RUNX3: variants seen among roughly 807,000 people sequenced by gnomAD.
The protein encoded by RUNX3 is RUNX family transcription factor 3.
In RUNX3, 10 loss-of-function variants were observed where a neutral mutation model predicts 27.7. The observed-to-expected ratio is 0.36, with a 90% CI of 0.22 to 0.61. RUNX3 has a LOEUF of 0.61. Ranked by LOEUF, RUNX3 falls within the 20% of genes least tolerant of loss-of-function variation. RUNX3 has a pLI of 0.72. For missense variants in RUNX3, 469 were observed against 629.5 expected (o/e 0.75, Z 2.73); for synonymous variants, 270 against 269.2 (o/e 1.00, Z -0.03).
chr1:24,914,421 T>C lies in RUNX3; in HGVS notation c.544+4819A>G, dbSNP rs377194178. Among the ~76,000 whole-genome samples, 6 of 152,312 alleles carry C rather than the reference T, an allele frequency of 3.9e-5. No individual in the cohort carries two copies. In the East Asian group the frequency reaches 7.7e-4, roughly 20 times the overall value. ...GCCTGTCAGGAGATTTACACCCGAC[T>C]CTTAACAGCCTCGCGGAATCGCAGG... On this transcript the variant is annotated intron_variant, in intron 3 of 4. Coordinates refer to ENST00000308873, the MANE Select transcript of RUNX3 (RefSeq NM_004350.3).
intron 3 of RUNX3, among the ~76,000 whole-genome samples, chr1:24,918,714 G>A (rs983488472): frequency 2.0e-5 from 3 of 152,142 alleles, no homozygotes; most frequent in East Asian, 1.9e-4. Context: ...TCGCTTTGAT[G>A]GACCAGAACT....
At chr1:24,950,841 C>T (rs922000577) in intron 2 of RUNX3, among the ~76,000 whole-genome samples, 2 of 152,096 alleles carry the variant, frequency 1.3e-5, no homozygotes, top group African/African-American at 4.8e-5. Context: ...TGGAAGGGCC[C>T]CAGGAGAGCT....
chr1:24,919,237 T>C lies in RUNX3; in HGVS notation c.544+3A>G. The C allele has an allele frequency of 6.3e-7, 1 of 1,586,380 alleles. No homozygotes were observed. On this transcript the variant is annotated splice_donor_region_variant and intron_variant, in intron 3 of 4. Transcript: ENST00000308873. ...GGGGCTCAGGGGGCTCGGTGGCACT[T>C]ACGTCTGGGCTCCCGGGGTCCGTCC... is the stretch of plus-strand genomic sequence containing the variant.
At position 24,916,791 on chromosome 1, in the gene RUNX3, C is replaced by T. The variant is rs145681402; in HGVS notation, c.544+2449G>A. Among the ~76,000 whole-genome samples the T allele has an allele frequency of 5.7e-4, 87 of 152,250 alleles. 1 individual carries two copies. In the East Asian group the frequency reaches 6.8e-3, roughly 12 times the overall value. On this transcript the variant is annotated intron_variant, in intron 3 of 4. Coordinates refer to ENST00000308873, the MANE Select transcript of RUNX3 (RefSeq NM_004350.3). This position sits in a 1 kb window ranked among gnomAD's most constrained non-coding sequence, Gnocchi z 4.8. Reference sequence around the variant, plus strand: ...CTGTAAATAAAACCACTGATCCAGCCGCTGCCGGGGCCCAGAGAGGGAGGT... The same window carrying T: ...CTGTAAATAAAACCACTGATCCAGCTGCTGCCGGGGCCCAGAGAGGGAGGT...
At chr1:24,910,920 C>T (rs1169317830) in intron 3 of RUNX3, among the ~76,000 whole-genome samples, 4 of 152,256 alleles carry the variant, frequency 2.6e-5, no homozygotes, top group Middle Eastern at 3.4e-3. Context: ...GTCACGTGAA[C>T]GAGGCAAGTG....
At position 24,929,611 on chromosome 1, in the gene RUNX3, G is replaced by A. The variant is rs1641173634; in HGVS notation, c.258C>T (p.Asn86=). ...CCTTGAAGGCGACGGGCAGCGTCTT[G>A]TTGCAGCGCCAGTGCGAGGGCAGCA... ...CSVLPSHWRC[N]KTLPVAFKVV... The change falls in exon 1 of 5, where the codon AAC becomes AAT. Residue 86 remains asparagine, a synonymous_variant. Transcript: ENST00000308873. The A allele has an allele frequency of 6.2e-7, 1 of 1,608,348 alleles. No homozygotes were observed. The highest frequency in any genetic ancestry group is 1.3e-5 in the African/African-American group (1 of 74,810).
At chr1:24,925,891 C>T (rs1641089933) in intron 2 of RUNX3, among the ~76,000 whole-genome samples, 1 of 152,174 alleles carries the variant, frequency 6.6e-6, no homozygotes. Flanking sequence ...ATTTCCCTCC[C>T]TGCAGGCCTG....
At chr1:24,922,169 C>T (rs1641012316) in intron 2 of RUNX3, among the ~76,000 whole-genome samples, 1 of 149,742 alleles carries the variant, frequency 6.7e-6, no homozygotes, top group South Asian at 2.1e-4. Context: ...CCTTCCTTTC[C>T]TTTCTTTTCT....
intron 2 of RUNX3, among the ~76,000 whole-genome samples, chr1:24,960,605 T>C (rs1355682828): frequency 1.3e-5 from 2 of 152,154 alleles, no homozygotes; most frequent in African/African-American, 2.4e-5. Flanking sequence ...CCACTGCCAG[T>C]GTCCCTGGTG....
Position 24,914,841 on chromosome 1 carries a change from C to T in RUNX3, c.544+4399G>A, listed in dbSNP as rs555669928. 5.9e-5 allele frequency among the ~76,000 whole-genome samples: 9 copies of T among 152,204 alleles called. No individual in the cohort carries two copies. In the South Asian group the frequency reaches 1.0e-3, roughly 18 times the overall value. On this transcript the variant is annotated intron_variant, in intron 3 of 4. Transcript: ENST00000308873. ...ACTTCTCCTGCCCACGCCAAACCCT[C>T]GGCAGCCACACTCTGCTGGCTGCTC...
intron 2 of RUNX3, among the ~76,000 whole-genome samples, chr1:24,946,579 C>G (rs981718580): frequency 2.6e-5 from 4 of 152,184 alleles, no homozygotes; most frequent in East Asian, 1.9e-4. Flanking sequence ...CCATTCCCCC[C>G]CTACTCATGG....
chr1:24,962,596 C>A lies in RUNX3; in HGVS notation c.58+1918G>T, dbSNP rs1642144727. Reference sequence around the variant, plus strand: ...AGAAGGCTGAAGAGGGGAGACAGGTCTCCACAAAAGTGGAGGGAAGGCCCT... The same window carrying A: ...AGAAGGCTGAAGAGGGGAGACAGGTATCCACAAAAGTGGAGGGAAGGCCCT... On this transcript the variant is annotated intron_variant, in intron 2 of 6. Transcript: ENST00000338888. The surrounding 1 kb of genome is among the most constrained non-coding windows in gnomAD (Gnocchi z 4.5). Among the ~76,000 whole-genome samples, 1 of 152,218 alleles carries A rather than the reference C, an allele frequency of 6.6e-6. No individual in the cohort carries two copies. Among genetic ancestry groups the A allele is most frequent in the Non-Finnish European group, 1.5e-5 (1 of 68,026 alleles).
intron 3 of RUNX3, 84 bp downstream of exon 3, chr1:24,919,156 C>T (rs1279278307): frequency 5.0e-6 from 4 of 795,538 alleles, no homozygotes; most frequent in Non-Finnish European, 8.0e-6. Context: ...GAGGAGGGCT[C>T]CATCTGTCTG....
chr1:24,955,700 C>T (rs937075423), intron 2 of RUNX3, among the ~76,000 whole-genome samples: 1 of 152,194 alleles, frequency 6.6e-6, no homozygotes, highest in Non-Finnish European at 1.5e-5. Context: ...CAAGGACTGC[C>T]TCCTCTCTGA....
Position 24,946,260 on chromosome 1 carries a change from T to C in RUNX3, c.59-16408A>G, listed in dbSNP as rs534263381. 3.9e-5 allele frequency among the ~76,000 whole-genome samples: 6 copies of C among 152,344 alleles called. No individual in the cohort carries two copies. In the South Asian group the frequency reaches 1.2e-3, roughly 32 times the overall value. ...GAAAAATTGGAAAATAATAAAATTA[T>C]GAAGAAGAAAATTAAAACCATCCAT... On this transcript the variant is annotated intron_variant, in intron 2 of 6. Transcript: ENST00000338888.
chr1:24,942,177 G>C lies in RUNX3; in HGVS notation c.59-12325C>G, dbSNP rs544014721. On this transcript the variant is annotated intron_variant, in intron 2 of 6. Coordinates refer to the RUNX3 transcript ENST00000338888. The stretch of plus-strand genomic sequence containing the variant: ...TTAGCAGCTCTGAGCTTAGATGAGG[G>C]GGGGAGATGAGATGGAAAGGAAAAG... Among the ~76,000 whole-genome samples the C allele has an allele frequency of 1.7e-4, 26 of 152,286 alleles. No homozygotes were observed. In the East Asian group the frequency reaches 3.1e-3, roughly 18 times the overall value.
chr1:24,922,849 T>A (rs1641026268), intron 2 of RUNX3, among the ~76,000 whole-genome samples: 1 of 129,544 alleles, frequency 7.7e-6, no homozygotes, highest in Non-Finnish European at 1.6e-5. Flanking sequence ...GCCCTACCAC[T>A]CCCTTTCTCT....
At chr1:24,909,980 C>T (rs1365804691) in intron 3 of RUNX3, among the ~76,000 whole-genome samples, 2 of 152,162 alleles carry the variant, frequency 1.3e-5, no homozygotes, top group Non-Finnish European at 2.9e-5. Context: ...TTTCCTGGAC[C>T]TGGGACCCTT....
intron 2 of RUNX3, among the ~76,000 whole-genome samples, chr1:24,939,482 T>C (rs1641425695): frequency 6.6e-6 from 1 of 152,220 alleles, no homozygotes; most frequent in African/African-American, 2.4e-5. Flanking sequence ...ATGAGTGGTG[T>C]GGACACACAC....
Sources: gnomAD v4.1 joint callset for allele counts (sites outside exome capture counted in the v4.1 genomes callset) on GRCh38, gnomAD v4.1.1 for gene constraint, Gnocchi (gnomAD v3.1) non-coding constraint, MANE v1.5 for transcripts, NCBI Gene and HGNC (gene_info 2026-07-23, HGNC 2026-07-21) for gene names.